Variants in MAPK14 observed in about 807,000 individuals in gnomAD.
MAPK14 encodes the protein mitogen-activated protein kinase 14.
MAPK14 carries 16 observed loss-of-function variants against 49.6 expected under a neutral mutation model. That is an observed-to-expected ratio of 0.32 (90% CI 0.22 to 0.49). The LOEUF is 0.49. Among genes scored for constraint, MAPK14 ranks in the 20% least tolerant of loss-of-function variants. The probability of loss-of-function intolerance (pLI) is 0.99; values close to 1 mark genes in which losing one functional copy is unlikely to be tolerated. For synonymous variants in MAPK14, 142 were observed against 158.0 expected (o/e 0.90, Z 0.76); for missense variants, 200 against 441.2 (o/e 0.45, Z 4.90).
chr6:36,062,706 G>A (rs1023963805), intron 3 of MAPK14, among the ~76,000 whole-genome samples: 25 of 136,160 alleles, frequency 1.8e-4, no homozygotes, highest in African/African-American at 6.5e-4. Context: ...CACCCAGGCT[G>A]GAGTGCAGTG....
intron 1 of MAPK14, among the ~76,000 whole-genome samples, chr6:36,036,938 A>G (rs1164559746): frequency 1.3e-5 from 2 of 151,948 alleles, no homozygotes; most frequent in Non-Finnish European, 2.9e-5. Flanking sequence ...ATGGGGTTTC[A>G]CCATGTTGGC....
In MAPK14 at chr6:36,107,694, T is replaced by G. The variant is rs185142074; in HGVS notation, c.1015+66T>G. The G allele has an allele frequency of 1.7e-4, 215 of 1,253,660 alleles. No homozygotes were observed. Among genetic ancestry groups the G allele is most frequent in the Non-Finnish European group, 2.2e-4 (204 of 924,154 alleles). 77.7% of individuals were successfully genotyped at this position (1,253,660 alleles called of 1,614,324 possible). On this transcript the variant is annotated intron_variant, in intron 11 of 11. Coordinates refer to ENST00000229794, the MANE Select transcript of MAPK14 (RefSeq NM_139012.3). The surrounding 1 kb of genome is among the most constrained non-coding windows in gnomAD (Gnocchi z 4.3). ...CAAAAGCGGTGGGAAAAATAAAAAC[T>G]GAATGGTCATAACCAACTTGCTAAA...
chr6:36,121,137 G>C, the MAPK14 span, among the ~76,000 whole-genome samples: 19 of 152,182 alleles, frequency 1.2e-4, no homozygotes, highest in South Asian at 4.1e-4. Flanking sequence ...GTGGTGACAG[G>C]GATGAGGAAG....
chr6:36,056,935 C>T (rs1334180837), intron 2 of MAPK14, among the ~76,000 whole-genome samples: 1 of 151,940 alleles, frequency 6.6e-6, no homozygotes, highest in East Asian at 1.9e-4. Context: ...TCAAGGGAAA[C>T]GATTATGGTT....
intron 6 of MAPK14, among the ~76,000 whole-genome samples, chr6:36,075,495 C>T (rs1233535497): frequency 6.6e-6 from 1 of 152,072 alleles, no homozygotes; most frequent in Non-Finnish European, 1.5e-5. Context: ...ATGAACATAA[C>T]AGAATTTTTA....
chr6:36,064,961 T>C (rs1447579407), intron 3 of MAPK14, among the ~76,000 whole-genome samples: 1 of 152,208 alleles, frequency 6.6e-6, no homozygotes, highest in Admixed American at 6.5e-5. Context: ...CTCTGGCCTC[T>C]TGTTCTTTGA....
At chr6:36,093,801 ATC>A (rs2127465541) in intron 8 of MAPK14, among the ~76,000 whole-genome samples, 1 of 151,916 alleles carries the variant, frequency 6.6e-6, no homozygotes, top group South Asian at 2.1e-4. Flanking sequence ...GAGTACCAAT[ATC>A]AAAAGCTTCA....
At chr6:36,042,644 C>T (rs377245910) in intron 1 of MAPK14, among the ~76,000 whole-genome samples, 5 of 151,122 alleles carry the variant, frequency 3.3e-5, no homozygotes, top group African/African-American at 7.3e-5. Flanking sequence ...AGGTGTGTGC[C>T]GCCATGCCCA....
intron 8 of MAPK14, among the ~76,000 whole-genome samples, chr6:36,087,818 A>G (rs1581821339): frequency 6.6e-6 from 1 of 152,240 alleles, no homozygotes; most frequent in Admixed American, 6.5e-5. Flanking sequence ...AAAAGAGTCC[A>G]TATAGCCCAA....
At chr6:36,065,552 T>TGTGTGTGTGTGTGTGTGTGTGG (rs1764021469) in intron 3 of MAPK14, among the ~76,000 whole-genome samples, 1 of 45,190 alleles carries the variant, frequency 2.2e-5, no homozygotes, top group Non-Finnish European at 5.8e-5. Context: ...GTGTGTTTGG[T>TGTGTGTGTGTGTGTGTGTGTGG]GGGAATAGAG....
At chr6:36,093,405 TCTTC>T (rs1765316472) in intron 8 of MAPK14, among the ~76,000 whole-genome samples, 1 of 152,102 alleles carries the variant, frequency 6.6e-6, no homozygotes, top group African/African-American at 2.4e-5. Flanking sequence ...AGAGAGCCTG[TCTTC>T]CTTAGAGAGA....
chr6:36,043,984 A>C (rs1046356866), intron 1 of MAPK14, among the ~76,000 whole-genome samples: 2 of 150,972 alleles, frequency 1.3e-5, no homozygotes, highest in Non-Finnish European at 3.0e-5. Context: ...CTAATTTTGT[A>C]TTTTTAGTAG....
intron 2 of MAPK14, among the ~76,000 whole-genome samples, chr6:36,057,304 G>A (rs1277166938): frequency 6.6e-6 from 1 of 152,168 alleles, no homozygotes; most frequent in African/African-American, 2.4e-5. Context: ...TATGCATGGT[G>A]TAACCCCAAT....
At chr6:36,051,715 G>A (rs1232726179) in intron 1 of MAPK14, among the ~76,000 whole-genome samples, 1 of 152,238 alleles carries the variant, frequency 6.6e-6, no homozygotes, top group Non-Finnish European at 1.5e-5. Context: ...CCGTGGTCAA[G>A]TTACCTAACT....
At chr6:36,036,733 A>ATATTTATT (rs138910796) in intron 1 of MAPK14, among the ~76,000 whole-genome samples, 3 of 151,616 alleles carry the variant, frequency 2.0e-5, no homozygotes, top group East Asian at 2.0e-4. Context: ...TAGCAAAAAA[A>ATATTTATT]TATTTATTTA....
At chr6:36,121,637 C>T in the MAPK14 span, among the ~76,000 whole-genome samples, 3 of 152,246 alleles carry the variant, frequency 2.0e-5, no homozygotes, top group African/African-American at 4.8e-5. Context: ...CTGACAGTGA[C>T]AGTGGTGTCC....
rs1053959836 is a variant in MAPK14 at position 36,107,392 on chromosome 6, A to G, written c.842-63A>G. On this transcript the variant is annotated intron_variant, in intron 10 of 11. Coordinates refer to ENST00000229794, the MANE Select transcript of MAPK14 (RefSeq NM_139012.3). This position sits in a 1 kb window ranked among gnomAD's most constrained non-coding sequence, Gnocchi z 4.3. The stretch of plus-strand genomic sequence containing the variant: ...GAAGGGTCAAAACTATGTTTGCTCA[A>G]TAAGGCATACTTTTTTGTAACATGT... 4.1e-6 allele frequency: 5 copies of G among 1,225,272 alleles called. No homozygotes were observed. The highest frequency in any genetic ancestry group is 4.5e-6 in the Non-Finnish European group (4 of 891,188). The allele number at this position is 1,225,272 out of a possible 1,614,324, so 75.9% of individuals were successfully genotyped here.
In MAPK14 at chr6:36,059,306, C is replaced by T. The variant is rs778215268; in HGVS notation, c.264C>T (p.Asp88=). 1.7e-5 allele frequency: 27 copies of T among 1,609,226 alleles called. No individual in the cohort carries two copies. Among genetic ancestry groups the T allele is most frequent in the Admixed American group, 3.3e-5 (2 of 59,966 alleles). ...MKHENVIGLL[D]VFTPARSLEE... ...TCTTACAGGTGATTGGTCTGTTGGA[C>T]GTTTTTACACCTGCAAGGTCTCTGG... The change falls in exon 3 of 12, where the codon GAC becomes GAT. Residue 88 remains aspartate (D), a synonymous_variant. Transcript: ENST00000229794.
At chr6:36,105,171 T>C (rs1221847860) in intron 10 of MAPK14, among the ~76,000 whole-genome samples, 1 of 152,226 alleles carries the variant, frequency 6.6e-6, no homozygotes, top group East Asian at 1.9e-4. Context: ...CTGACTTTGT[T>C]TCACTGCTAT....
Sources: allele counts gnomAD v4.1 joint callset (sites outside exome capture counted in the v4.1 genomes callset), GRCh38; gene constraint gnomAD v4.1.1; non-coding constraint Gnocchi (gnomAD v3.1); transcripts MANE v1.5; gene names NCBI Gene and HGNC (gene_info 2026-07-23, HGNC 2026-07-21).